Variants in NOVA2 observed in about 807,000 individuals in gnomAD.
NOVA2 encodes NOVA alternative splicing regulator 2.
NOVA2 carries 9 observed loss-of-function variants against 22.5 expected under a neutral mutation model. The observed-to-expected ratio is 0.40, with a 90% CI of 0.24 to 0.70. The LOEUF (loss-of-function observed/expected upper bound fraction) is 0.70. Ranked by LOEUF, NOVA2 falls within the 30% of genes least tolerant of loss-of-function variation. NOVA2 has a pLI of 0.38. For synonymous variants in NOVA2, 318 were observed against 335.2 expected (o/e 0.95, Z 0.56); for missense variants, 383 against 682.8 (o/e 0.56, Z 4.89).
chr19:45,973,246 C>T, intron 1 of NOVA2, 21 bp downstream of exon 1: 1 of 1,435,600 alleles, frequency 7.0e-7, no homozygotes. Context: ...TCCCCCGCCC[C>T]GAGCCGCAGC....
intron 3 of NOVA2, among the ~76,000 whole-genome samples, chr19:45,950,795 A>G (rs1967913555): frequency 6.6e-6 from 1 of 152,210 alleles, no homozygotes; most frequent in Non-Finnish European, 1.5e-5. Context: ...TAACAACAAA[A>G]GCAGCATCAA....
At chr19:45,960,592 T>C (rs1968079965) in intron 2 of NOVA2, among the ~76,000 whole-genome samples, 1 of 143,122 alleles carries the variant, frequency 7.0e-6, no homozygotes, top group South Asian at 2.3e-4. Context: ...AGAAAACCAG[T>C]GAGACTGGGC....
At chr19:45,945,869 C>G (rs1967829952) in intron 3 of NOVA2, among the ~76,000 whole-genome samples, 1 of 149,672 alleles carries the variant, frequency 6.7e-6, no homozygotes, top group Admixed American at 6.7e-5. Context: ...CAGTCTTGCT[C>G]TGTCACCCAG....
intron 3 of NOVA2, among the ~76,000 whole-genome samples, chr19:45,950,699 A>G (rs1967911712): frequency 6.6e-6 from 1 of 152,240 alleles, no homozygotes; most frequent in South Asian, 2.1e-4. Context: ...TTGAAGTTTT[A>G]GAGCCAGAAG....
At chr19:45,968,256 G>A (rs909987493) in intron 1 of NOVA2, among the ~76,000 whole-genome samples, 10 of 152,082 alleles carry the variant, frequency 6.6e-5, no homozygotes, top group Admixed American at 2.6e-4. Context: ...ATGAGGGTAC[G>A]AGGAGGCTGG....
intron 3 of NOVA2, among the ~76,000 whole-genome samples, chr19:45,941,285 C>A (rs1004655216): frequency 3.4e-5 from 5 of 145,266 alleles, no homozygotes; most frequent in East Asian, 2.0e-4. Context: ...CAGAGGGAGA[C>A]CCTGTCTCAA....
rs1967721879 is a variant in NOVA2, at chr19:45,940,043, C to T, written c.1299G>A (p.Gln433=). ...TCTGGATGCGAGCGCCCGTCAGCTC[C>T]TGGTACTCCACCAACGTCTTGCCCC... ...GKGGKTLVEY[Q]ELTGARIQIS... is the part of the protein sequence containing the mutation. Residue 433 remains glutamine, a synonymous_variant, in exon 4 of 4, where the codon CAG becomes CAA. Transcript: ENST00000263257. 1.2e-6 allele frequency: 2 copies of T among 1,614,074 alleles called. No homozygotes were observed. The highest frequency in any genetic ancestry group is 1.7e-6 in the Non-Finnish European group (2 of 1,179,974).
intron 1 of NOVA2, among the ~76,000 whole-genome samples, chr19:45,966,900 A>G (rs1366755637): frequency 1.3e-5 from 2 of 152,132 alleles, no homozygotes; most frequent in African/African-American, 2.4e-5. Context: ...ATTAAGAAGA[A>G]ATTTAAAAAT....
intron 2 of NOVA2, among the ~76,000 whole-genome samples, chr19:45,954,503 G>A (rs1967974294): frequency 6.6e-6 from 1 of 151,792 alleles, no homozygotes; most frequent in Admixed American, 6.6e-5. Flanking sequence ...GAGGATGGGG[G>A]AAGAGCTGGG....
chr19:45,943,843 A>C (rs1382195482), intron 3 of NOVA2, among the ~76,000 whole-genome samples: 1 of 152,144 alleles, frequency 6.6e-6, no homozygotes, highest in Non-Finnish European at 1.5e-5. Flanking sequence ...GCCCAACCCC[A>C]TGACACATGT....
At chr19:45,972,336 TTTC>T (rs1968243478) in intron 1 of NOVA2, among the ~76,000 whole-genome samples, 2 of 151,770 alleles carry the variant, frequency 1.3e-5, no homozygotes. Flanking sequence ...CCCACACCCT[TTTC>T]TTGTCACATC....
Position 45,938,208 on chromosome 19 carries a change from C to T in NOVA2, c.*1655G>A, listed in dbSNP as rs1967685200. ...TGTCAGGCCCTGAAATCTCAGTCTGCCAACAGGTCCTTAGAGCTGACCACA... is the reference window on the plus strand; with the variant it reads ...TGTCAGGCCCTGAAATCTCAGTCTGTCAACAGGTCCTTAGAGCTGACCACA... On this transcript the variant is annotated 3_prime_UTR_variant, in exon 4 of 4. Transcript: ENST00000263257. 1 of 152,246 alleles carries T rather than the reference C, an allele frequency of 6.6e-6. No individual in the cohort carries two copies. Among genetic ancestry groups the T allele is most frequent in the African/African-American group, 2.4e-5 (1 of 41,402 alleles). 9.4% of individuals were successfully genotyped at this position (152,246 alleles called of 1,614,324 possible). A position where few individuals can be genotyped will look rare whatever the true frequency, so the allele number is the denominator to read the frequency against.
chr19:45,936,328 G>A lies in NOVA2; in HGVS notation c.*3535C>T, dbSNP rs1456135889. 1 of 152,076 alleles carries A rather than the reference G, an allele frequency of 6.6e-6. No individual in the cohort carries two copies. 9.4% of individuals were successfully genotyped at this position (152,076 alleles called of 1,614,324 possible). ...TGGTGGAATTTGGGGGGACCCAAAA[G>A]GATAGGGGTAAGTTGAAAAGGAGAG... On this transcript the variant is annotated 3_prime_UTR_variant, in exon 4 of 4. Coordinates refer to ENST00000263257, the MANE Select transcript of NOVA2 (RefSeq NM_002516.4).
chr19:45,958,620 T>G (rs1034010177), intron 2 of NOVA2, among the ~76,000 whole-genome samples: 5 of 151,304 alleles, frequency 3.3e-5, no homozygotes, highest in African/African-American at 1.2e-4. Context: ...CGTGTCAGCG[T>G]GTGTGAGTGT....
At chr19:45,943,230 A>G (rs958049382) in intron 3 of NOVA2, among the ~76,000 whole-genome samples, 1 of 150,944 alleles carries the variant, frequency 6.6e-6, no homozygotes, top group East Asian at 2.0e-4. Flanking sequence ...ATTTTTTTGT[A>G]TTTTTAGTAG....
chr19:45,949,685 C>T (rs1347870564), intron 3 of NOVA2, among the ~76,000 whole-genome samples: 2 of 151,648 alleles, frequency 1.3e-5, no homozygotes, highest in African/African-American at 2.4e-5. Context: ...TCTGGAGTCA[C>T]TCAGTCAGCA....
chr19:45,948,892 C>T (rs981328539), intron 3 of NOVA2, among the ~76,000 whole-genome samples: 12 of 152,234 alleles, frequency 7.9e-5, no homozygotes, highest in Admixed American at 1.3e-4. Context: ...AAATGTCTAT[C>T]AACTGATGAA....
intron 3 of NOVA2, among the ~76,000 whole-genome samples, chr19:45,946,986 T>G (rs997383233): frequency 3.3e-5 from 5 of 152,042 alleles, no homozygotes; most frequent in African/African-American, 1.2e-4. Context: ...TGAATCTAAG[T>G]GCAGTGTATG....
intron 1 of NOVA2, among the ~76,000 whole-genome samples, chr19:45,963,199 T>C (rs1968121497): frequency 6.6e-6 from 1 of 151,876 alleles, no homozygotes; most frequent in South Asian, 2.1e-4. Context: ...GCCAACATAG[T>C]GAAACTCCGT....
Sources: gnomAD v4.1 joint callset for allele counts (sites outside exome capture counted in the v4.1 genomes callset) on GRCh38, gnomAD v4.1.1 for gene constraint, MANE v1.5 for transcripts, NCBI Gene and HGNC (gene_info 2026-07-23, HGNC 2026-07-21) for gene names.